The following CCR3 variants were observed in gnomAD, a reference collection of about 807,000 sequenced individuals.
CCR3 encodes the protein C-C motif chemokine receptor 3.
For synonymous variants in CCR3, 203 were observed against 179.2 expected (o/e 1.13, Z -1.06); for missense variants, 419 against 437.5 (o/e 0.96, Z 0.38).
chr3:46,213,636 C>G (rs1699741421), intron 2 of CCR3, among the ~76,000 whole-genome samples: 1 of 152,172 alleles, frequency 6.6e-6, no homozygotes, highest in African/African-American at 2.4e-5. Flanking sequence ...CTTGTCTTCC[C>G]CATACCTTGG....
chr3:46,226,019 A>G (rs1699890715), intron 2 of CCR3, among the ~76,000 whole-genome samples: 1 of 152,170 alleles, frequency 6.6e-6, no homozygotes, highest in Non-Finnish European at 1.5e-5. Context: ...TGAGTTCTCT[A>G]TTTGTTCTTT....
intron 2 of CCR3, among the ~76,000 whole-genome samples, chr3:46,227,907 A>G (rs919046069): frequency 4.0e-5 from 6 of 151,842 alleles, no homozygotes; most frequent in African/African-American, 1.5e-4. Flanking sequence ...TAATGAAAAA[A>G]CTAAAACCCT....
At chr3:46,235,393 T>C (rs1323586997) in intron 2 of CCR3, among the ~76,000 whole-genome samples, 2 of 152,200 alleles carry the variant, frequency 1.3e-5, no homozygotes, top group Non-Finnish European at 2.9e-5. Flanking sequence ...ATGGTTAGCA[T>C]TGGAGGCGCA....
At chr3:46,220,222 C>G (rs1468209031) in intron 2 of CCR3, among the ~76,000 whole-genome samples, 1 of 151,996 alleles carries the variant, frequency 6.6e-6, no homozygotes, top group Non-Finnish European at 1.5e-5. Context: ...AAGTGGACAA[C>G]AAACATATGA....
At chr3:46,244,228 G>A (rs1004018955) in intron 1 of CCR3, among the ~76,000 whole-genome samples, 20 of 152,096 alleles carry the variant, frequency 1.3e-4, no homozygotes, top group Admixed American at 1.2e-3. Context: ...AAAAGGCAAT[G>A]GTTAAATAAG....
intron 1 of CCR3, among the ~76,000 whole-genome samples, chr3:46,243,347 C>T (rs1002120906): frequency 6.6e-6 from 1 of 151,924 alleles, no homozygotes; most frequent in African/African-American, 2.4e-5. Flanking sequence ...AATGTGGAAC[C>T]CATGGATACA....
At chr3:46,250,397 T>C (rs1347537345) in intron 1 of CCR3, among the ~76,000 whole-genome samples, 5 of 152,022 alleles carry the variant, frequency 3.3e-5, no homozygotes, top group African/African-American at 1.2e-4. Flanking sequence ...TCAGCGATGC[T>C]TGGGGTTGGG....
At chr3:46,260,315 A>T (rs1178385679) in intron 1 of CCR3, among the ~76,000 whole-genome samples, 1 of 152,226 alleles carries the variant, frequency 6.6e-6, no homozygotes, top group African/African-American at 2.4e-5. Context: ...CCTTCCCAAC[A>T]GTCACCCAAA....
intron 2 of CCR3, among the ~76,000 whole-genome samples, chr3:46,232,153 TA>T (rs938275230): frequency 6.6e-6 from 1 of 152,090 alleles, no homozygotes; most frequent in Non-Finnish European, 1.5e-5. Context: ...GATGTTCTTA[TA>T]AAAAAATGAA....
intron 2 of CCR3, among the ~76,000 whole-genome samples, chr3:46,223,341 A>AAAAC (rs71095085): frequency 2.0e-5 from 3 of 152,286 alleles, no homozygotes; most frequent in Admixed American, 2.0e-4. Context: ...CTCTGTCTTG[A>AAAAC]AAACAAACAA....
chr3:46,255,884 C>T (rs1316292717), intron 1 of CCR3, among the ~76,000 whole-genome samples: 1 of 151,258 alleles, frequency 6.6e-6, no homozygotes, highest in African/African-American at 2.4e-5. Context: ...GCAATGTGGG[C>T]TCTTTTTTGG....
intron 2 of CCR3, among the ~76,000 whole-genome samples, chr3:46,235,409 T>C (rs1022512448): frequency 6.6e-6 from 1 of 152,210 alleles, no homozygotes; most frequent in South Asian, 2.1e-4. Context: ...GCGCACTTCC[T>C]ACAAGCACTT....
intron 2 of CCR3, among the ~76,000 whole-genome samples, chr3:46,223,752 T>A (rs35613615): frequency 6.6e-6 from 1 of 152,168 alleles, no homozygotes; most frequent in Non-Finnish European, 1.5e-5. Flanking sequence ...GAAGCAAGAA[T>A]TCTTTTGGCT....
chr3:46,244,776 G>A (rs913823717), intron 1 of CCR3, among the ~76,000 whole-genome samples: 4 of 152,172 alleles, frequency 2.6e-5, no homozygotes, highest in African/African-American at 9.7e-5. Context: ...ATATGTGCAA[G>A]TCACAGGGGA....
At chr3:46,238,726 C>G (rs1700046926), upstream of CCR3, among the ~76,000 whole-genome samples, 1 of 152,142 alleles carries the variant, frequency 6.6e-6, no homozygotes, top group Non-Finnish European at 1.5e-5. Flanking sequence ...CTCTCTATTT[C>G]TCAGGTGAGA....
intron 1 of CCR3, among the ~76,000 whole-genome samples, chr3:46,257,407 T>C (rs1411329707): frequency 6.7e-6 from 1 of 148,186 alleles, no homozygotes; most frequent in Admixed American, 6.8e-5. Context: ...AGTAACCTCA[T>C]ACACTTAGCT....
chr3:46,264,995 C>T (rs1433850156), intron 1 of CCR3, 153 bp from the exon 2 acceptor site: 7 of 608,820 alleles, frequency 1.1e-5, no homozygotes, highest in Non-Finnish European at 1.7e-5. Flanking sequence ...TTCCTGGCAC[C>T]TCTGATATGC....
At chr3:46,264,529 T>C (rs1700582300) in intron 1 of CCR3, 1 of 909,452 alleles carries the variant, frequency 1.1e-6, no homozygotes, top group Admixed American at 2.5e-5. Flanking sequence ...GAAATGGACA[T>C]GGATAGAGAC....
rs201640825 is a variant in CCR3, at chr3:46,266,007, G to A, written c.849G>A (p.Met283Ile). ...CERSKHLDLV[M>I]LVTEVIAYSH... ...GGAGCAAGCATCTGGACCTGGTCAT[G>A]CTGGTGACAGAGGTGATCGCCTACT... The change falls in exon 2 of 2, where the codon ATG (methionine) becomes ATA (isoleucine). Residue 283 changes from methionine to isoleucine, a missense_variant. Physicochemically the swap from Met to Ile is conservative, Grantham distance 10. Coordinates refer to ENST00000395940, the MANE Select transcript of CCR3 (RefSeq NM_178329.3). 6.2e-7 allele frequency: 1 copy of A among 1,614,074 alleles called. No homozygotes were observed. The highest frequency in any genetic ancestry group is 8.5e-7 in the Non-Finnish European group (1 of 1,180,010).
Sources: gnomAD v4.1 joint callset for allele counts (sites outside exome capture counted in the v4.1 genomes callset) on GRCh38, gnomAD v4.1.1 for gene constraint, MANE v1.5 for transcripts, NCBI Gene and HGNC (gene_info 2026-07-23, HGNC 2026-07-21) for gene names.